Variants in PRKCA observed in about 807,000 individuals in gnomAD.
PRKCA encodes the protein protein kinase C alpha.
A neutral mutation model predicts 87.0 loss-of-function variants in PRKCA; 27 were observed. The observed-to-expected ratio is 0.31, with a 90% CI of 0.23 to 0.43. The LOEUF (loss-of-function observed/expected upper bound fraction) is 0.43, where lower values mean the gene tolerates loss of function less well. PRKCA is among the 20% of genes least tolerant of loss of function. The pLI is 1.00. For synonymous variants in PRKCA, 329 were observed against 311.1 expected (o/e 1.06, Z -0.61); for missense variants, 518 against 852.3 (o/e 0.61, Z 4.88).
At chr17:66,531,621 A>C (rs1181713364) in intron 3 of PRKCA, among the ~76,000 whole-genome samples, 1 of 151,684 alleles carries the variant, frequency 6.6e-6, no homozygotes, top group African/African-American at 2.4e-5. Context: ...TTTCAGGTGC[A>C]GCAACCTGAC....
intron 5 of PRKCA, among the ~76,000 whole-genome samples, chr17:66,655,383 A>C (rs895483468): frequency 2.6e-5 from 4 of 151,922 alleles, no homozygotes; most frequent in Non-Finnish European, 4.4e-5. Context: ...CAGCTTCCCC[A>C]CTGTGGCAGG....
intron 3 of PRKCA, among the ~76,000 whole-genome samples, chr17:66,537,257 A>G (rs891544844): frequency 4.6e-5 from 7 of 152,076 alleles, no homozygotes; most frequent in Non-Finnish European, 2.9e-5. Flanking sequence ...TTATTACCAT[A>G]ATTTATGGTG....
At chr17:66,736,981 A>G (rs78289576) in intron 10 of PRKCA, among the ~76,000 whole-genome samples, 2,230 of 152,286 alleles carry the variant, frequency 0.015, 30 homozygotes, top group Non-Finnish European at 0.024. Flanking sequence ...TCTGTCGTAA[A>G]GTAAAACTAA....
At chr17:66,789,071 G>T in intron 16 of PRKCA, 92 bp downstream of exon 16, 1 of 1,371,688 alleles carries the variant, frequency 7.3e-7, no homozygotes, top group East Asian at 2.7e-5. Context: ...AGAGGAGGCC[G>T]GTGCCCCTGG....
intron 5 of PRKCA, among the ~76,000 whole-genome samples, chr17:66,653,689 A>G (rs1386437208): frequency 6.6e-6 from 1 of 151,358 alleles, no homozygotes. Flanking sequence ...GGCCGTTTGC[A>G]TTCTGCATCT....
chr17:66,638,009 A>G (rs1260636396), intron 3 of PRKCA, among the ~76,000 whole-genome samples: 1 of 152,126 alleles, frequency 6.6e-6, no homozygotes, highest in African/African-American at 2.4e-5. Flanking sequence ...ATAATTACTC[A>G]ACTCTGCCAT....
chr17:66,778,904 A>G (rs1433638562), intron 14 of PRKCA, among the ~76,000 whole-genome samples: 1 of 151,688 alleles, frequency 6.6e-6, no homozygotes, highest in Admixed American at 6.6e-5. Flanking sequence ...GTGCAATGGC[A>G]GGCACAGATA....
intron 3 of PRKCA, among the ~76,000 whole-genome samples, chr17:66,510,401 A>AT (rs1555612477): frequency 6.6e-6 from 1 of 152,138 alleles, no homozygotes; most frequent in Non-Finnish European, 1.5e-5. Context: ...CCTCATGAGC[A>AT]TTTTTTGGTT....
At chr17:66,646,413 T>A (rs1971457426) in intron 5 of PRKCA, among the ~76,000 whole-genome samples, 1 of 152,102 alleles carries the variant, frequency 6.6e-6, no homozygotes, top group Non-Finnish European at 1.5e-5. Flanking sequence ...ACCCACTCCA[T>A]GTTGGTGTAT....
At chr17:66,451,351 T>A (rs939857881) in intron 2 of PRKCA, among the ~76,000 whole-genome samples, 49 of 98,400 alleles carry the variant, frequency 5.0e-4, no homozygotes, top group African/African-American at 1.7e-3. Context: ...AGAATTTATT[T>A]ATTTATTTAT....
At chr17:66,419,034 C>T (rs374035475) in intron 2 of PRKCA, among the ~76,000 whole-genome samples, 7 of 152,092 alleles carry the variant, frequency 4.6e-5, no homozygotes, top group African/African-American at 1.7e-4. Flanking sequence ...GCTGGGATTA[C>T]AGGCTTGAGC....
At chr17:66,325,217 T>C (rs1905906302) in intron 2 of PRKCA, among the ~76,000 whole-genome samples, 1 of 152,266 alleles carries the variant, frequency 6.6e-6, no homozygotes, top group African/African-American at 2.4e-5. Flanking sequence ...TGGTTTAGAA[T>C]GGGTTGGGGA....
At chr17:66,802,386 G>T (rs779064987) in intron 16 of PRKCA, among the ~76,000 whole-genome samples, 2 of 152,094 alleles carry the variant, frequency 1.3e-5, no homozygotes, top group South Asian at 4.1e-4. Flanking sequence ...GTCGCTGGGC[G>T]TGGTGGCTCA....
chr17:66,421,431 T>TTTG (rs781366488), intron 2 of PRKCA, among the ~76,000 whole-genome samples: 63 of 28,386 alleles, frequency 2.2e-3, no homozygotes, highest in Admixed American at 8.9e-3. Context: ...AGCCTCTGTT[T>TTTG]TTTTTTTTTT....
intron 3 of PRKCA, among the ~76,000 whole-genome samples, chr17:66,520,366 C>A (rs1443625809): frequency 2.6e-5 from 4 of 152,002 alleles, no homozygotes; most frequent in Non-Finnish European, 5.9e-5. Context: ...GGTGATCCAC[C>A]CGCCTCGGCC....
At chr17:66,465,377 T>C (rs1002041679) in intron 2 of PRKCA, among the ~76,000 whole-genome samples, 4 of 151,692 alleles carry the variant, frequency 2.6e-5, no homozygotes, top group East Asian at 1.9e-4. Context: ...TCAACTGATA[T>C]GTTATAATTA....
chr17:66,310,996 G>A (rs1331292297), intron 2 of PRKCA, among the ~76,000 whole-genome samples: 1 of 152,114 alleles, frequency 6.6e-6, no homozygotes, highest in Non-Finnish European at 1.5e-5. Context: ...TGCATTGACC[G>A]CTGCTTGCAC....
rs1040770867 is a variant in PRKCA at position 66,807,750 on chromosome 17, G to C, written c.*3713G>C. The C allele has an allele frequency of 6.6e-6, 1 of 152,236 alleles. No homozygotes were observed. The highest frequency in any genetic ancestry group is 2.4e-5 in the African/African-American group (1 of 41,454). 9.4% of individuals were successfully genotyped at this position (152,236 alleles called of 1,614,324 possible). ...CCTCTCGGAGCCAAAGTCCTTAGGC[G>C]AGTGTGGTGACTTCCTGGAAGGAGG... On this transcript the variant is annotated 3_prime_UTR_variant, in exon 17 of 17. Transcript: ENST00000413366. The surrounding 1 kb of genome is among the most constrained non-coding windows in gnomAD (Gnocchi z 4.3).
At chr17:66,324,445 T>C (rs977651071) in intron 2 of PRKCA, among the ~76,000 whole-genome samples, 1 of 26,256 alleles carries the variant, frequency 3.8e-5, no homozygotes, top group Non-Finnish European at 8.3e-5. Flanking sequence ...CTACTAAAAA[T>C]ACAAAAAAAA....
Sources: allele counts gnomAD v4.1 joint callset (sites outside exome capture counted in the v4.1 genomes callset), GRCh38; gene constraint gnomAD v4.1.1; non-coding constraint Gnocchi (gnomAD v3.1); transcripts MANE v1.5; gene names NCBI Gene and HGNC (gene_info 2026-07-23, HGNC 2026-07-21).